Variants in CDIN1 observed in about 807,000 individuals in gnomAD.
The protein encoded by CDIN1 is CDAN1-interacting nuclease 1.
CDIN1 carries 33 observed loss-of-function variants against 45.3 expected under a neutral mutation model. The ratio of observed to expected loss-of-function variants is 0.73; its 90% CI spans 0.55 to 0.97. The LOEUF (loss-of-function observed/expected upper bound fraction) is 0.97. Ranked by LOEUF, CDIN1 falls within the 50% of genes least tolerant of loss-of-function variation. CDIN1 has a pLI of 0.00. For missense variants in CDIN1, 303 were observed against 339.4 expected (o/e 0.89, Z 0.84); for synonymous variants, 118 against 124.4 (o/e 0.95, Z 0.34).
intron 1 of CDIN1, among the ~76,000 whole-genome samples, chr15:36,609,550 G>A (rs2140267154): frequency 6.6e-6 from 1 of 152,242 alleles, no homozygotes; most frequent in Non-Finnish European, 1.5e-5. Flanking sequence ...AGGATCGCTT[G>A]AAGCCAGGAG....
chr15:36,745,614 A>T lies in CDIN1; in HGVS notation c.716+35653A>T, dbSNP rs1055830090. Among the ~76,000 whole-genome samples, 3 of 152,104 alleles carry T rather than the reference A, an allele frequency of 2.0e-5. No individual in the cohort carries two copies. The East Asian group carries it at 5.8e-4, about 29-fold the overall frequency. On this transcript the variant is annotated intron_variant, in intron 10 of 10. Transcript: ENST00000566621. Reference sequence around the variant, plus strand: ...AAATATGAATATATTACTTTTAGATACTCTTAGGGTGTAAGCATAGAATTG... The same window carrying T: ...AAATATGAATATATTACTTTTAGATTCTCTTAGGGTGTAAGCATAGAATTG...
chr15:36,634,891 A>T (rs1262289512), intron 1 of CDIN1, among the ~76,000 whole-genome samples: 1 of 152,114 alleles, frequency 6.6e-6, no homozygotes, highest in Non-Finnish European at 1.5e-5. Context: ...TCTTTCATCT[A>T]TGAGTAACAT....
chr15:36,770,733 G>A (rs1369840498), intron 10 of CDIN1, among the ~76,000 whole-genome samples: 1 of 152,186 alleles, frequency 6.6e-6, no homozygotes, highest in African/African-American at 2.4e-5. Context: ...ACAGGCGTGA[G>A]CCACCACGCC....
At chr15:36,622,996 C>CA (rs1438259208) in intron 1 of CDIN1, among the ~76,000 whole-genome samples, 1 of 152,226 alleles carries the variant, frequency 6.6e-6, no homozygotes, top group Non-Finnish European at 1.5e-5. Context: ...GCAGGGCACA[C>CA]ATTCAAATTT....
intron 1 of CDIN1, among the ~76,000 whole-genome samples, chr15:36,630,434 A>T (rs2039630719): frequency 6.6e-6 from 1 of 152,228 alleles, no homozygotes; most frequent in Non-Finnish European, 1.5e-5. Context: ...TAAAGAAGTT[A>T]CCAATCAGTT....
At chr15:36,597,390 C>A (rs1020577294) in intron 1 of CDIN1, among the ~76,000 whole-genome samples, 1 of 152,164 alleles carries the variant, frequency 6.6e-6, no homozygotes, top group Admixed American at 6.5e-5. Context: ...CTACCACCAT[C>A]CCAACTCTTA....
chr15:36,715,011 G>C (rs2043173845), intron 10 of CDIN1, among the ~76,000 whole-genome samples: 1 of 152,162 alleles, frequency 6.6e-6, no homozygotes, highest in South Asian at 2.1e-4. Flanking sequence ...GTTACCTAAA[G>C]CTTGGGTGCA....
intron 8 of CDIN1, among the ~76,000 whole-genome samples, chr15:36,703,420 GAT>G (rs1295441512): frequency 8.1e-5 from 11 of 135,332 alleles, no homozygotes; most frequent in Non-Finnish European, 1.7e-4. Flanking sequence ...ATATATATCA[GAT>G]ATATATATAT....
chr15:36,621,194 A>ACAATTATGTGTGTAC, intron 1 of CDIN1, among the ~76,000 whole-genome samples: 1 of 152,338 alleles, frequency 6.6e-6, no homozygotes. Flanking sequence ...AATTACGTGT[A>ACAATTATGTGTGTAC]AATTGTGAAT....
chr15:36,619,097 C>G (rs1210350889), intron 1 of CDIN1: 9 of 1,086,560 alleles, frequency 8.3e-6, no homozygotes, highest in Admixed American at 2.2e-5. Flanking sequence ...AATGAGAAGC[C>G]AGAAGCAAGG....
chr15:36,677,486 T>G (rs1197850412), intron 5 of CDIN1, among the ~76,000 whole-genome samples: 1 of 152,118 alleles, frequency 6.6e-6, no homozygotes, highest in African/African-American at 2.4e-5. Flanking sequence ...TTCTTAGGGG[T>G]GACCACATGA....
intron 1 of CDIN1, among the ~76,000 whole-genome samples, chr15:36,630,227 A>G (rs941779840): frequency 6.6e-6 from 1 of 152,232 alleles, no homozygotes; most frequent in East Asian, 1.9e-4. Context: ...CTAGAATAGA[A>G]CTGCTACAGT....
chr15:36,702,042 T>C lies in CDIN1; in HGVS notation c.544+4652T>C, dbSNP rs1316315462. The C allele has an allele frequency of 4.3e-6, 3 of 702,058 alleles. No homozygotes were observed. The Admixed American group carries it at 6.0e-5, about 14-fold the overall frequency. 43.5% of individuals were successfully genotyped at this position (702,058 alleles called of 1,614,324 possible). On this transcript the variant is annotated intron_variant, in intron 8 of 10. Transcript: ENST00000566621. ...GTGAAGGACAGGCAGCAGGAGCAGA[T>C]GAGATTTAGAATACCAAGACTGTGT...
intron 8 of CDIN1, among the ~76,000 whole-genome samples, chr15:36,704,128 C>G (rs1435771815): frequency 6.6e-6 from 1 of 152,128 alleles, no homozygotes; most frequent in Non-Finnish European, 1.5e-5. Context: ...TGTCCTCTGC[C>G]TTTCCACAGC....
chr15:36,688,440 A>G (rs1566901137), intron 5 of CDIN1, among the ~76,000 whole-genome samples: 1 of 152,200 alleles, frequency 6.6e-6, no homozygotes. Flanking sequence ...CATTGCTTTA[A>G]CAGGTACCAA....
intron 10 of CDIN1, among the ~76,000 whole-genome samples, chr15:36,720,720 T>C (rs531954523): frequency 6.6e-6 from 1 of 152,288 alleles, no homozygotes; most frequent in Non-Finnish European, 1.5e-5. Flanking sequence ...CTATTGTGAA[T>C]AGTGCCGCAA....
chr15:36,750,180 T>G (rs8023782), intron 10 of CDIN1, among the ~76,000 whole-genome samples: 14,708 of 152,058 alleles, frequency 0.097, 813 homozygotes, highest in East Asian at 0.26. Flanking sequence ...ATCTTAAAAT[T>G]CTTAGGGAAC....
intron 10 of CDIN1, among the ~76,000 whole-genome samples, chr15:36,719,288 G>T (rs181045136): frequency 6.6e-6 from 1 of 152,058 alleles, no homozygotes; most frequent in African/African-American, 2.4e-5. Context: ...TCAGGTTGAA[G>T]AAACTCCCTT....
chr15:36,712,109 G>A (rs945449103), intron 10 of CDIN1, among the ~76,000 whole-genome samples: 1 of 152,002 alleles, frequency 6.6e-6, no homozygotes, highest in Non-Finnish European at 1.5e-5. Flanking sequence ...CTTTCAAGGA[G>A]GCTATTGGTT....
Sources: allele counts gnomAD v4.1 joint callset (sites outside exome capture counted in the v4.1 genomes callset), GRCh38; gene constraint gnomAD v4.1.1; transcripts MANE v1.5; gene names NCBI Gene and HGNC (gene_info 2026-07-23, HGNC 2026-07-21).